The following CLEC18A variants were observed in gnomAD, a reference collection of about 807,000 sequenced individuals.
CLEC18A encodes the protein mannose receptor-like 1.
Under a neutral mutation model 24.0 loss-of-function variants are expected in CLEC18A, and 5 were observed. That is an observed-to-expected ratio of 0.21 (90% CI 0.11 to 0.44). The LOEUF (loss-of-function observed/expected upper bound fraction) is 0.44, where lower values mean the gene tolerates loss of function less well. CLEC18A is among the 20% of genes least tolerant of loss of function. The probability of loss-of-function intolerance (pLI) is 0.99; values close to 1 mark genes in which losing one functional copy is unlikely to be tolerated. For missense variants in CLEC18A, 83 were observed against 233.4 expected (o/e 0.36, Z 4.20); for synonymous variants, 29 against 100.1 (o/e 0.29, Z 4.24).
At chr16:69,945,126 A>G in the CLEC18A span, among the ~76,000 whole-genome samples, 4 of 122,264 alleles carry the variant, frequency 3.3e-5, no homozygotes, top group East Asian at 2.0e-4. Flanking sequence ...CCCTGTCTGG[A>G]AAAAAAAAAA....
At chr16:69,966,611 A>G (rs967625997), downstream of CLEC18A, among the ~76,000 whole-genome samples, 3 of 127,894 alleles carry the variant, frequency 2.3e-5, no homozygotes, top group Non-Finnish European at 4.9e-5. Context: ...TCAATAAATA[A>G]CCATAAAAAT....
intron 3 of CLEC18A, among the ~76,000 whole-genome samples, 191 bp downstream of exon 3, chr16:69,954,764 C>G (rs149909666): frequency 0.068 from 10,226 of 150,176 alleles, no homozygotes; most frequent in African/African-American, 0.24. Flanking sequence ...GTGGCGTGAT[C>G]TCGGCTCACT....
upstream of CLEC18A, among the ~76,000 whole-genome samples, chr16:69,948,379 T>TTG (rs1555507358): frequency 7.9e-4 from 109 of 138,124 alleles, 1 homozygote; most frequent in African/African-American, 1.7e-3. Flanking sequence ...TAAATGTTTT[T>TTG]TTTGTTTGTT....
downstream of CLEC18A, among the ~76,000 whole-genome samples, chr16:69,965,389 C>G (rs1428725100): frequency 6.6e-6 from 1 of 152,012 alleles, no homozygotes; most frequent in East Asian, 1.9e-4. Flanking sequence ...CCTCCCGGAC[C>G]CGGGACCCGC....
At chr16:69,945,434 C>A in the CLEC18A span, among the ~76,000 whole-genome samples, 5 of 152,220 alleles carry the variant, frequency 3.3e-5, no homozygotes, top group Non-Finnish European at 7.3e-5. Flanking sequence ...TATACATTCT[C>A]CAGTTTTATT....
rs977105955 is a variant in CLEC18A at position 69,954,631 on chromosome 16, G to T, written c.456+58G>T. The stretch of plus-strand genomic sequence containing the variant: ...GCTCCCAGATACAGACTTCCACTGG[G>T]CCATCTCAGAAGAGGCTACAGTTTG... On this transcript the variant is annotated intron_variant, in intron 3 of 11. Transcript: ENST00000288040. 8.3e-4 allele frequency: 1,335 copies of T among 1,599,438 alleles called. 13 individuals carry two copies. In the African/African-American group the frequency reaches 0.012, roughly 14 times the overall value.
At chr16:69,949,478 A>AT (rs2058924859), upstream of CLEC18A, among the ~76,000 whole-genome samples, 1 of 107,736 alleles carries the variant, frequency 9.3e-6, no homozygotes, top group African/African-American at 4.3e-5. Context: ...GATGTGAATT[A>AT]AAGCGTTGGG....
upstream of CLEC18A, chr16:69,950,922 AGG>A (rs2058937283): frequency 5.4e-6 from 1 of 186,196 alleles, no homozygotes; most frequent in Admixed American, 5.7e-5. Flanking sequence ...TCCTCCTCCC[AGG>A]GCCCGGGGCT....
upstream of CLEC18A, among the ~76,000 whole-genome samples, chr16:69,947,535 G>T (rs2058913376): frequency 9.6e-6 from 1 of 104,026 alleles, no homozygotes; most frequent in Non-Finnish European, 2.0e-5. Context: ...AAATTACCTG[G>T]CATGGTGGCG....
chr16:69,958,734 AAAATAAATAAATAAAT>A (rs375006269), intron 3 of CLEC18A, among the ~76,000 whole-genome samples, 192 bp from the exon 4 acceptor site: 3 of 119,544 alleles, frequency 2.5e-5, no homozygotes, highest in Non-Finnish European at 3.4e-5. Flanking sequence ...CTCCATCTCA[AAAATAAATAAATAAAT>A]AAATAAATAA....
chr16:69,948,973 A>C (rs1597203806), upstream of CLEC18A, among the ~76,000 whole-genome samples: 2 of 17,190 alleles, frequency 1.2e-4, no homozygotes, highest in African/African-American at 1.2e-3. Flanking sequence ...CGGGGGTGGG[A>C]CAGAGTCTTG....
At chr16:69,965,802 C>T (rs2152023197), downstream of CLEC18A, among the ~76,000 whole-genome samples, 1 of 74,470 alleles carries the variant, frequency 1.3e-5, no homozygotes, top group Non-Finnish European at 2.4e-5. Flanking sequence ...TCCCGGGCCT[C>T]CTCTGAAGCC....
intron 2 of CLEC18A, chr16:69,952,729 C>A (rs3874521): frequency 0.065 from 9,575 of 147,246 alleles, 23 homozygotes; most frequent in African/African-American, 0.24. Flanking sequence ...AAACGCTGCC[C>A]CCCCTTGTCT....
At chr16:69,954,960 A>G (rs548667098) in intron 3 of CLEC18A, among the ~76,000 whole-genome samples, 1 of 151,976 alleles carries the variant, frequency 6.6e-6, no homozygotes, top group South Asian at 2.1e-4. Flanking sequence ...TCAGCCTCCC[A>G]AAGTGCTGGG....
downstream of CLEC18A, among the ~76,000 whole-genome samples, chr16:69,965,300 C>T (rs1597217848): frequency 6.6e-6 from 1 of 152,110 alleles, no homozygotes; most frequent in East Asian, 1.9e-4. Context: ...AGCGCCAGGC[C>T]TTCCTGCCCG....
chr16:69,962,935 A>G, intron 10 of CLEC18A, 41 bp from the exon 11 acceptor site: 1 of 1,392,972 alleles, frequency 7.2e-7, no homozygotes, highest in African/African-American at 1.4e-5. Context: ...CCGGTCCCTG[A>G]CTTCACTCTT....
At chr16:69,944,226 G>A in the CLEC18A span, among the ~76,000 whole-genome samples, 2 of 134,874 alleles carry the variant, frequency 1.5e-5, no homozygotes, top group Non-Finnish European at 3.5e-5. Flanking sequence ...AACCCGGGAG[G>A]CAGAGGTTGC....
chr16:69,965,018 T>G (rs1291089565), downstream of CLEC18A, among the ~76,000 whole-genome samples: 1 of 151,592 alleles, frequency 6.6e-6, no homozygotes, highest in Non-Finnish European at 1.5e-5. Context: ...CTCAGGCTGG[T>G]CTCGAACTCC....
chr16:69,944,695 G>T, the CLEC18A span, among the ~76,000 whole-genome samples: 9 of 148,670 alleles, frequency 6.1e-5, no homozygotes, highest in Admixed American at 2.7e-4. Context: ...AGTTAGCCGG[G>T]TGTGGTGGTG....
Sources: allele counts gnomAD v4.1 joint callset (sites outside exome capture counted in the v4.1 genomes callset), GRCh38; gene constraint gnomAD v4.1.1; transcripts MANE v1.5; gene names NCBI Gene and HGNC (gene_info 2026-07-23, HGNC 2026-07-21).